The following MYO15A variants were observed in gnomAD, a reference collection of about 807,000 sequenced individuals.
The protein encoded by MYO15A is myosin XVA.
Under a neutral mutation model 394.6 loss-of-function variants are expected in MYO15A, and 308 were observed. That is an observed-to-expected ratio of 0.78 (90% confidence interval 0.71 to 0.86). The LOEUF is 0.86. Among genes scored for constraint, MYO15A ranks in the 40% least tolerant of loss-of-function variants. The pLI, the probability that MYO15A is intolerant of heterozygous loss-of-function variation, is 0.00. For missense variants in MYO15A, 4,606 were observed against 4,799.1 expected, an observed-to-expected ratio of 0.96 and a Z score of 1.19; for synonymous variants, 1,957 against 2,003.8, an observed-to-expected ratio of 0.98 and a Z score of 0.62.
chr17:18,136,356 G>A, intron 13 of MYO15A, 61 bp from the exon 14 acceptor site: 1 of 1,600,350 alleles, frequency 6.2e-7, no homozygotes, highest in Admixed American at 1.7e-5. Context: ...TAGTCCCCTG[G>A]GGGCTTTCCG....
Position 18,163,827 on chromosome 17 carries a change from T to C in MYO15A, c.9776T>C (p.Val3259Ala). ...TTCAATGAATATGTTATCTTCGTTG[T>C]CACCAACCGTGGTGAGTGCCAGGAA... ...EAFNEYVIFV[V>A]TNRGQHVCPL... Residue 3259 changes from valine (V) to alanine (A), a missense_variant, in exon 60 of 66, where the codon GTC becomes GCC. Coordinates refer to ENST00000647165, the MANE Select transcript of MYO15A (RefSeq NM_016239.4). The C allele has an allele frequency of 6.2e-7, 1 of 1,613,694 alleles. No homozygotes were observed. Among genetic ancestry groups the C allele is most frequent in the East Asian group, 2.2e-5 (1 of 44,862 alleles).
rs779161799 is a variant in MYO15A, at chr17:18,140,496, C to T, written c.5212-21C>T. On this transcript the variant is annotated intron_variant, in intron 19 of 65. Transcript: ENST00000647165. Reference sequence around the variant, plus strand: ...TCCCGGACCCTGCCTGTCTGTTTTCCCTGCCCCGACCCCTGCCCAGGTGGT... The same window carrying T: ...TCCCGGACCCTGCCTGTCTGTTTTCTCTGCCCCGACCCCTGCCCAGGTGGT... 3.7e-6 allele frequency: 6 copies of T among 1,613,388 alleles called. No homozygotes were observed. In the South Asian group the frequency reaches 5.5e-5, roughly 15 times the overall value.
chr17:18,133,181 G>A, intron 11 of MYO15A, 44 bp from the exon 12 acceptor site: 2 of 1,606,492 alleles, frequency 1.2e-6, no homozygotes, highest in Non-Finnish European at 1.7e-6. Context: ...GGGCTCCCCA[G>A]CCCCACCCAA....
chr17:18,149,738 G>A, intron 35 of MYO15A, 158 bp downstream of exon 35: 1 of 757,384 alleles, frequency 1.3e-6, no homozygotes, highest in Non-Finnish European at 2.3e-6. Context: ...CAAAGGATGA[G>A]GGTCTCTTCA....
rs1421818459 is a variant in MYO15A at position 18,121,543 on chromosome 17, GA to G, written c.2744del (p.Asp915AlafsTer71). ...CCGGGAGAGCCCGCGAGAACCCGAG[GA>G]CTCAGAGACGCCCTGGACTGTGCCC... ...EHRESPREPE[D>X]SETPWTVPPL... On this transcript the variant is annotated frameshift_variant, in exon 2 of 66. Coordinates refer to ENST00000647165, the MANE Select transcript of MYO15A (RefSeq NM_016239.4). LOFTEE classifies it high-confidence loss of function. This position sits in a 1 kb window ranked among gnomAD's most constrained non-coding sequence, Gnocchi z 5.3. 6.3e-7 allele frequency: 1 copy of G among 1,579,314 alleles called. No homozygotes were observed. Among genetic ancestry groups the G allele is most frequent in the Non-Finnish European group, 8.6e-7 (1 of 1,163,466 alleles).
At chr17:18,129,256 C>T (rs1435529336) in intron 7 of MYO15A, among the ~76,000 whole-genome samples, 2 of 152,248 alleles carry the variant, frequency 1.3e-5, no homozygotes, top group African/African-American at 2.4e-5. Context: ...GCCTGGACCA[C>T]AGGTTCCACC....
rs552454991 is a variant in MYO15A at position 18,155,359 on chromosome 17, G to A, written c.8386G>A (p.Gly2796Ser). Residue 2796 changes from glycine (G) to serine (S), a missense_variant, in exon 47 of 66, where the codon GGC becomes AGC. By Grantham distance (56) the Gly-to-Ser change is moderately conservative. Coordinates refer to ENST00000647165, the MANE Select transcript of MYO15A (RefSeq NM_016239.4). The part of the protein sequence containing the change: ...GVQLLAVSHV[G>S]IKLLRMVKGG... ...GCAGCTCCTAGCTGTGTCCCACGTG[G>A]GCATCAAACTCCTGAGGATGGTCAA... 2 of 1,613,654 alleles carry A rather than the reference G, an allele frequency of 1.2e-6. No individual in the cohort carries two copies. The highest frequency in any genetic ancestry group is 1.3e-5 in the African/African-American group (1 of 74,934).
intron 57 of MYO15A, 101 bp downstream of exon 57, chr17:18,161,548 C>T: frequency 1.3e-6 from 2 of 1,525,612 alleles, no homozygotes; most frequent in South Asian, 1.1e-5. Context: ...TCGCTCTTCA[C>T]AGGTGCTGAG....
intron 4 of MYO15A, chr17:18,125,601 G>A (rs2046020973): frequency 6.9e-6 from 2 of 288,066 alleles, no homozygotes; most frequent in Non-Finnish European, 1.3e-5. Flanking sequence ...CTACTTGGGA[G>A]GCTGAGGCAG....
At chr17:18,156,116 A>G in intron 47 of MYO15A, 79 bp from the exon 48 acceptor site, 1 of 1,608,248 alleles carries the variant, frequency 6.2e-7, no homozygotes, top group African/African-American at 1.3e-5. Context: ...ATGGGGCAGG[A>G]CAGGATCAGA....
At chr17:18,139,479 G>A in intron 18 of MYO15A, 55 bp from the exon 19 acceptor site, 1 of 1,566,366 alleles carries the variant, frequency 6.4e-7, no homozygotes, top group South Asian at 1.1e-5. Flanking sequence ...GTCCCTCCTA[G>A]GATAGACAGA....
In MYO15A at chr17:18,140,679, C is replaced by A. The variant is rs1270691344; in HGVS notation, c.5360+14C>A. ...AAAGATGGAGAGGTGGGGTGGGGGG[C>A]AGGTGGGCGGAGCACCCAGCCTCAT... is the stretch of plus-strand genomic sequence containing the variant. On this transcript the variant is annotated intron_variant, in intron 20 of 65. Coordinates refer to ENST00000647165, the MANE Select transcript of MYO15A (RefSeq NM_016239.4). The A allele has an allele frequency of 6.2e-7, 1 of 1,613,786 alleles. No homozygotes were observed.
intron 7 of MYO15A, among the ~76,000 whole-genome samples, chr17:18,129,340 G>A (rs1319315494): frequency 6.6e-6 from 1 of 152,200 alleles, no homozygotes; most frequent in Non-Finnish European, 1.5e-5. Flanking sequence ...CAGAGAAGCA[G>A]CCAACCTGTC....
intron 50 of MYO15A, 171 bp from the exon 51 acceptor site, chr17:18,157,551 C>T: frequency 1.5e-6 from 2 of 1,339,094 alleles, no homozygotes; most frequent in Non-Finnish European, 2.0e-6. Flanking sequence ...CTGAGAAAAT[C>T]CCTTTCTTTC....
In MYO15A at chr17:18,121,678, C is replaced by G; in HGVS notation, c.2878C>G (p.Pro960Ala). 2 of 1,536,474 alleles carry G rather than the reference C, an allele frequency of 1.3e-6. No individual in the cohort carries two copies. The highest frequency in any genetic ancestry group is 1.8e-6 in the Non-Finnish European group (2 of 1,134,588). The change falls in exon 2 of 66, where the codon CCG becomes GCG. Residue 960 changes from proline (P) to alanine (A), a missense_variant. Physicochemically the swap from Pro to Ala is conservative, Grantham distance 27. Coordinates refer to ENST00000647165, the MANE Select transcript of MYO15A (RefSeq NM_016239.4). The surrounding 1 kb of genome is among the most constrained non-coding windows in gnomAD (Gnocchi z 5.3). ...AGGCTTTTCCAGGCCACCCCCTGTG[C>G]CGGAAAACCCCTTTCTCCAGCTCCT... ...RRGFSRPPPV[P>A]ENPFLQLLGP... is the part of the protein sequence containing the mutation.
intron 61 of MYO15A, 44 bp downstream of exon 61, chr17:18,166,565 TC>T (rs768133987): frequency 1.2e-6 from 2 of 1,605,142 alleles, no homozygotes; most frequent in African/African-American, 1.3e-5. Context: ...CCTTCTAGGC[TC>T]CCCTGGGCCT....
intron 28 of MYO15A, 113 bp downstream of exon 28, chr17:18,144,113 T>G: frequency 3.3e-6 from 5 of 1,517,340 alleles, no homozygotes; most frequent in South Asian, 1.2e-5. Flanking sequence ...GTGTTGGGTA[T>G]GAGCCTTTTA....
chr17:18,120,143 C>T lies in MYO15A; in HGVS notation c.1343C>T (p.Thr448Ile). The T allele has an allele frequency of 1.2e-6, 2 of 1,612,906 alleles. No individual in the cohort carries two copies. The highest frequency in any genetic ancestry group is 8.5e-7 in the Non-Finnish European group (1 of 1,179,956). Residue 448 changes from threonine to isoleucine, a missense_variant, in exon 2 of 66, where the codon ACC (threonine) becomes ATC (isoleucine). This residue lies in a region of MYO15A where 1,830 missense variants were observed against 1,689.7 expected (regional missense o/e 1.08). Coordinates refer to ENST00000647165, the MANE Select transcript of MYO15A (RefSeq NM_016239.4). ...GACGCGGGCGTAGAGCGTCAGGGGA[C>T]CTCCTTCCGCCTGCCCAGCGCCGCC... ...PEDAGVERQG[T>I]SFRLPSAAFF... is the part of the protein sequence containing the mutation.
rs545988187 is a variant in MYO15A, at chr17:18,179,124, G to A, written c.*254G>A. ...CAAAAGTCTGGCCCACTGTGCAGTG[G>A]AGCAGAAGGCAGGACCATGAGGCCT... On this transcript the variant is annotated 3_prime_UTR_variant, in exon 66 of 66. Coordinates refer to ENST00000647165, the MANE Select transcript of MYO15A (RefSeq NM_016239.4). The A allele has an allele frequency of 1.5e-4, 86 of 576,120 alleles. No individual in the cohort carries two copies. Among genetic ancestry groups the A allele is most frequent in the African/African-American group, 1.4e-3 (77 of 53,616 alleles). 35.7% of individuals were successfully genotyped at this position (576,120 alleles called of 1,614,324 possible).
Sources: allele counts gnomAD v4.1 joint callset (sites outside exome capture counted in the v4.1 genomes callset), GRCh38; gene constraint gnomAD v4.1.1; regional missense constraint gnomAD v4.1.1; non-coding constraint Gnocchi (gnomAD v3.1); transcripts MANE v1.5; gene names NCBI Gene and HGNC (gene_info 2026-07-23, HGNC 2026-07-21).